GAREM1: variants seen among roughly 807,000 people sequenced by gnomAD.
GAREM1 encodes GRB2 associated regulator of MAPK1 subtype 1, also known as GRB2-associated and regulator of MAPK protein 1.
Under a neutral mutation model 71.3 loss-of-function variants are expected in GAREM1, and 26 were observed. That is an observed-to-expected ratio of 0.36 (90% CI 0.27 to 0.51). The LOEUF (loss-of-function observed/expected upper bound fraction) is 0.51. Among genes scored for constraint, GAREM1 ranks in the 20% least tolerant of loss-of-function variants. The pLI is 0.95. For synonymous variants in GAREM1, 440 were observed against 433.2 expected (o/e 1.02, Z -0.20); for missense variants, 1,026 against 1,103.1 (o/e 0.93, Z 0.99).
At chr18:32,339,548 T>C (rs893330635) in intron 2 of GAREM1, among the ~76,000 whole-genome samples, 3 of 152,184 alleles carry the variant, frequency 2.0e-5, no homozygotes, top group African/African-American at 7.2e-5. Flanking sequence ...AGGACTGCTG[T>C]CTGGACCACC....
At chr18:32,293,926 G>A (rs1272171429) in intron 3 of GAREM1, among the ~76,000 whole-genome samples, 1 of 152,110 alleles carries the variant, frequency 6.6e-6, no homozygotes, top group Non-Finnish European at 1.5e-5. Flanking sequence ...AACCCAAACA[G>A]AAATATTCTA....
At chr18:32,448,764 A>G (rs2048806824) in intron 1 of GAREM1, among the ~76,000 whole-genome samples, 1 of 152,252 alleles carries the variant, frequency 6.6e-6, no homozygotes, top group South Asian at 2.1e-4. Context: ...CTTTGCTGTT[A>G]TATGTCACCT....
At position 32,268,080 on chromosome 18, in the gene GAREM1, G is replaced by A; in HGVS notation, c.2422C>T (p.Leu808=). The A allele has an allele frequency of 6.2e-7, 1 of 1,614,128 alleles. No homozygotes were observed. The highest frequency in any genetic ancestry group is 8.5e-7 in the Non-Finnish European group (1 of 1,179,998). The change falls in exon 6 of 6, where the codon CTA becomes TTA. Residue 808 remains leucine, a synonymous_variant. Transcript: ENST00000269209. The part of the protein sequence containing the change: ...DGSPWQPPAD[L]SGLSIEEVSK... ...ACTTCCTCTATAGAGAGTCCTGATA[G>A]GTCAGCAGGTGGCTGCCATGGGGAA... is the stretch of plus-strand genomic sequence containing the variant.
intron 1 of GAREM1, among the ~76,000 whole-genome samples, chr18:32,452,383 T>C (rs548994386): frequency 6.6e-6 from 1 of 152,270 alleles, no homozygotes; most frequent in Admixed American, 6.5e-5. Flanking sequence ...CAAAATCTGT[T>C]TCCCAACTTG....
intron 2 of GAREM1, among the ~76,000 whole-genome samples, chr18:32,391,415 C>T (rs1162584349): frequency 6.6e-6 from 1 of 152,092 alleles, no homozygotes; most frequent in African/African-American, 2.4e-5. Context: ...AAAATGAGGG[C>T]ACTCTTTTGG....
chr18:32,331,302 C>T (rs2047533150), intron 2 of GAREM1, among the ~76,000 whole-genome samples: 1 of 152,174 alleles, frequency 6.6e-6, no homozygotes, highest in Non-Finnish European at 1.5e-5. Flanking sequence ...CATTTCTCTA[C>T]ATATACTATG....
intron 1 of GAREM1, among the ~76,000 whole-genome samples, chr18:32,453,147 G>A (rs904235754): frequency 1.3e-5 from 2 of 152,072 alleles, no homozygotes; most frequent in African/African-American, 4.8e-5. Flanking sequence ...CAGGAAGAAT[G>A]ACAGAATGAG....
intron 2 of GAREM1, among the ~76,000 whole-genome samples, chr18:32,387,379 C>T (rs1429009920): frequency 6.6e-6 from 1 of 152,144 alleles, no homozygotes; most frequent in Non-Finnish European, 1.5e-5. Flanking sequence ...AATTAATGTT[C>T]TGAGTATACA....
chr18:32,455,205 G>GT (rs1555648497), intron 1 of GAREM1, among the ~76,000 whole-genome samples: 2 of 151,622 alleles, frequency 1.3e-5, no homozygotes, highest in East Asian at 1.9e-4. Context: ...GCCCTACATT[G>GT]TTTTTTTTCT....
intron 4 of GAREM1, among the ~76,000 whole-genome samples, chr18:32,273,793 G>A (rs2041500106): frequency 1.3e-5 from 2 of 152,194 alleles, no homozygotes; most frequent in South Asian, 4.1e-4. Context: ...GAAGTTGTCA[G>A]TGATGAAACA....
chr18:32,450,946 A>C (rs2048831754), intron 1 of GAREM1, among the ~76,000 whole-genome samples: 1 of 152,068 alleles, frequency 6.6e-6, no homozygotes, highest in Non-Finnish European at 1.5e-5. Context: ...CAGGAGATTG[A>C]GACCAGCCTT....
chr18:32,273,680 T>A (rs2041497229), intron 4 of GAREM1, among the ~76,000 whole-genome samples: 1 of 151,830 alleles, frequency 6.6e-6, no homozygotes, highest in Non-Finnish European at 1.5e-5. Flanking sequence ...GCCACATGAC[T>A]CCTGAAGGGA....
chr18:32,353,605 A>G (rs1295719480), intron 2 of GAREM1, among the ~76,000 whole-genome samples: 1 of 152,242 alleles, frequency 6.6e-6, no homozygotes, highest in Non-Finnish European at 1.5e-5. Context: ...AAGTACATTA[A>G]AAATAACTTA....
intron 1 of GAREM1, among the ~76,000 whole-genome samples, chr18:32,403,230 G>A (rs532074579): frequency 2.0e-5 from 3 of 152,012 alleles, no homozygotes; most frequent in African/African-American, 7.2e-5. Flanking sequence ...TTCTCCTAAT[G>A]TATTTAAATA....
intron 1 of GAREM1, among the ~76,000 whole-genome samples, chr18:32,425,822 A>C (rs2048569212): frequency 6.6e-6 from 1 of 152,166 alleles, no homozygotes; most frequent in African/African-American, 2.4e-5. Context: ...TGTGAGAAAG[A>C]AAACAGTTGT....
rs779453587 is a variant in GAREM1 at position 32,287,840 on chromosome 18, T to C, written c.757A>G (p.Ser253Gly). The stretch of plus-strand genomic sequence containing the variant: ...TCGTATGGGTTTCTCGGTGGAGGGC[T>C]TGGCACAGTCACATTCACAGGAAGC... Reference protein sequence around the residue: ...TRLPVNVTVPSPPPRNPYDLH... With the variant: ...TRLPVNVTVPGPPPRNPYDLH... The change falls in exon 4 of 6, where the codon AGC (serine) becomes GGC (glycine). Residue 253 changes from serine (S) to glycine (G), a missense_variant. Ser to Gly is a moderately conservative substitution (Grantham distance 56, BLOSUM62 0). Transcript: ENST00000269209. This position sits in a 1 kb window ranked among gnomAD's most constrained non-coding sequence, Gnocchi z 5.9. 11 of 1,612,942 alleles carry C rather than the reference T, an allele frequency of 6.8e-6. No homozygotes were observed. The South Asian group carries it at 9.9e-5, about 15-fold the overall frequency.
intron 2 of GAREM1, among the ~76,000 whole-genome samples, chr18:32,361,141 CA>C (rs1263377191): frequency 6.6e-6 from 1 of 152,188 alleles, no homozygotes; most frequent in Non-Finnish European, 1.5e-5. Flanking sequence ...TCTTCCCTGA[CA>C]TCACTGTCGT....
intron 2 of GAREM1, among the ~76,000 whole-genome samples, chr18:32,348,510 G>A (rs921472862): frequency 1.3e-5 from 2 of 151,938 alleles, no homozygotes; most frequent in African/African-American, 4.8e-5. Context: ...GATCACTTGA[G>A]GCCAGGAGTT....
chr18:32,460,497 C>G (rs1599064904), intron 1 of GAREM1, among the ~76,000 whole-genome samples: 2 of 152,164 alleles, frequency 1.3e-5, no homozygotes, highest in Admixed American at 6.5e-5. Context: ...ATCCACAGAA[C>G]TGGAAAGGAG....
Sources: allele counts gnomAD v4.1 joint callset (sites outside exome capture counted in the v4.1 genomes callset), GRCh38; gene constraint gnomAD v4.1.1; non-coding constraint Gnocchi (gnomAD v3.1); transcripts MANE v1.5; gene names NCBI Gene and HGNC (gene_info 2026-07-23, HGNC 2026-07-21).